HMGXB3: variants seen among roughly 807,000 people sequenced by gnomAD.
The protein encoded by HMGXB3 is HMG-box containing 3, also known as HMG domain-containing protein 3.
A neutral mutation model predicts 121.5 loss-of-function variants in HMGXB3; 45 were observed. The observed-to-expected ratio is 0.37, with a 90% CI of 0.29 to 0.47. The LOEUF is 0.47. Ranked by LOEUF, HMGXB3 falls within the 20% of genes least tolerant of loss-of-function variation. The probability of loss-of-function intolerance (pLI) is 0.99; values close to 1 mark genes in which losing one functional copy is unlikely to be tolerated. For synonymous variants in HMGXB3, 590 were observed against 624.1 expected, an observed-to-expected ratio of 0.95 and a Z score of 0.81; for missense variants, 1,376 against 1,602.2, an observed-to-expected ratio of 0.86 and a Z score of 2.41.
intron 6 of HMGXB3, chr5:150,021,519 A>AT (rs1756093588): frequency 6.0e-6 from 2 of 332,824 alleles, no homozygotes; most frequent in African/African-American, 2.2e-5. Context: ...AAACATTGAG[A>AT]TTTTTTGTTT....
rs775851279 is a variant in HMGXB3, at chr5:150,006,601, G to A, written c.266G>A (p.Ser89Asn). 1 of 1,552,342 alleles carries A rather than the reference G, an allele frequency of 6.4e-7. No individual in the cohort carries two copies. The highest frequency in any genetic ancestry group is 8.7e-7 in the Non-Finnish European group (1 of 1,147,132). The change falls in exon 3 of 20, where the codon AGT becomes AAT. Residue 89 changes from serine to asparagine, a missense_variant. Coordinates refer to ENST00000502717, the MANE Select transcript of HMGXB3 (RefSeq NM_014983.3). Reference sequence around the variant, plus strand: ...AGGCTTCTCAGCGTGGCCGAGAGGAGTTACTACTTGGAGAAAGCCAAACTA... The same window carrying A: ...AGGCTTCTCAGCGTGGCCGAGAGGAATTACTACTTGGAGAAAGCCAAACTA... ...SWRLLSVAERSYYLEKAKLEK... is the reference protein window; with the variant it reads ...SWRLLSVAERNYYLEKAKLEK...
chr5:150,029,874 G>A (rs950042059), intron 9 of HMGXB3, among the ~76,000 whole-genome samples: 6 of 152,150 alleles, frequency 3.9e-5, no homozygotes, highest in Non-Finnish European at 7.3e-5. Context: ...GTGATCTTGC[G>A]GTGTAGAAGG....
intron 4 of HMGXB3, among the ~76,000 whole-genome samples, chr5:150,011,003 A>G (rs928963593): frequency 2.6e-5 from 4 of 152,222 alleles, no homozygotes. Flanking sequence ...CTGTTGCCCA[A>G]GCTGGTCTTG....
At chr5:150,011,604 GTTTTT>G (rs35010665) in intron 4 of HMGXB3, among the ~76,000 whole-genome samples, 1 of 132,670 alleles carries the variant, frequency 7.5e-6, no homozygotes. Context: ...TTTTTTTTTG[GTTTTT>G]TTTTTTTTTT....
Position 150,052,350 on chromosome 5 carries a change from G to A in HMGXB3, c.*158G>A, listed in dbSNP as rs1756939748. 3 of 639,140 alleles carry A rather than the reference G, an allele frequency of 4.7e-6. No individual in the cohort carries two copies. Among genetic ancestry groups the A allele is most frequent in the Non-Finnish European group, 2.7e-6 (1 of 372,818 alleles). The allele number at this position is 639,140 out of a possible 1,614,324, so 39.6% of individuals were successfully genotyped here. On this transcript the variant is annotated 3_prime_UTR_variant, in exon 20 of 20. Coordinates refer to ENST00000502717, the MANE Select transcript of HMGXB3 (RefSeq NM_014983.3). ...GAGCTTCCATTCCCTGAGCATGGTG[G>A]GACCCAGGGTCCTCAGTTCTCAACC...
chr5:150,021,838 G>A lies in HMGXB3; in HGVS notation c.1042-2424G>A, dbSNP rs1756101293. ...CACACATCTTCTCCAGGGATTTTATGTTGCAGCTCGTTAGAGTGATTTGAA... is the reference window on the plus strand; with the variant it reads ...CACACATCTTCTCCAGGGATTTTATATTGCAGCTCGTTAGAGTGATTTGAA... On this transcript the variant is annotated intron_variant, in intron 6 of 19. Transcript: ENST00000502717. 8 of 508,578 alleles carry A rather than the reference G, an allele frequency of 1.6e-5. No individual in the cohort carries two copies. In the Admixed American group the frequency reaches 1.6e-4, roughly 10 times the overall value. The allele number at this position is 508,578 out of a possible 1,614,324, so 31.5% of individuals were successfully genotyped here. A position where few individuals can be genotyped will look rare whatever the true frequency, so the allele number is the denominator to read the frequency against.
intron 2 of HMGXB3, among the ~76,000 whole-genome samples, chr5:150,005,795 T>C (rs1472937046): frequency 2.0e-5 from 3 of 152,200 alleles, no homozygotes; most frequent in Non-Finnish European, 4.4e-5. Flanking sequence ...GGAGGTGCCA[T>C]TGACCAGGTT....
rs190376374 is a variant in HMGXB3 at position 150,012,286 on chromosome 5, C to T, written c.842C>T (p.Ala281Val). Reference protein sequence around the residue: ...DSSESSSSAPATQFIMLPLPA... With the variant: ...DSSESSSSAPVTQFIMLPLPA... The stretch of plus-strand genomic sequence containing the variant: ...AGTGAGAGTAGCTCCTCTGCACCAG[C>T]CACACAGTTCATCATGTTGCCTCTG... Residue 281 changes from alanine to valine, a missense_variant, in exon 5 of 20, where the codon GCC becomes GTC. Ala to Val is a moderately conservative substitution (Grantham distance 64). This residue lies in a region of HMGXB3 where 1,116 missense variants were observed against 1,369.0 expected (regional missense o/e 0.82). Coordinates refer to ENST00000502717, the MANE Select transcript of HMGXB3 (RefSeq NM_014983.3). 1.7e-4 allele frequency: 268 copies of T among 1,552,284 alleles called. 5 individuals carry two copies. Among genetic ancestry groups the T allele is most frequent in the Non-Finnish European group, 7.0e-6 (8 of 1,147,082 alleles).
chr5:150,049,273 C>T (rs1050255264), intron 18 of HMGXB3, among the ~76,000 whole-genome samples: 2 of 152,202 alleles, frequency 1.3e-5, no homozygotes, highest in African/African-American at 4.8e-5. Context: ...GTATTTTATT[C>T]TGACTGATGA....
At chr5:150,037,887 A>C (rs1368158140) in intron 13 of HMGXB3, among the ~76,000 whole-genome samples, 1 of 152,238 alleles carries the variant, frequency 6.6e-6, no homozygotes, top group African/African-American at 2.4e-5. Flanking sequence ...AATATAAGAA[A>C]TTATAGGATG....
chr5:150,006,621 A>G lies in HMGXB3; in HGVS notation c.286A>G (p.Lys96Glu). 7.1e-6 allele frequency: 11 copies of G among 1,552,342 alleles called. No individual in the cohort carries two copies. Among genetic ancestry groups the G allele is most frequent in the Non-Finnish European group, 9.6e-6 (11 of 1,147,114 alleles). ...AERSYYLEKA[K>E]LEKEGLDPNS... The stretch of plus-strand genomic sequence containing the variant: ...GAGGAGTTACTACTTGGAGAAAGCC[A>G]AACTAGAGAAGGAAGGTTTGGATCC... Residue 96 changes from lysine (K) to glutamate (E), a missense_variant, in exon 3 of 20, where the codon AAA (lysine) becomes GAA (glutamate). Lys to Glu is a moderately conservative substitution (Grantham distance 56, BLOSUM62 1). Around this residue, in one of 2 missense-constraint regions of HMGXB3, gnomAD observed 1,116 missense variants for 1,369.0 expected, o/e 0.82. Transcript: ENST00000502717.
chr5:150,007,922 T>G (rs1755738496), intron 3 of HMGXB3, among the ~76,000 whole-genome samples: 1 of 152,050 alleles, frequency 6.6e-6, no homozygotes, highest in South Asian at 2.1e-4. Context: ...CCAGGCGTGG[T>G]GGCATACACC....
intron 11 of HMGXB3, among the ~76,000 whole-genome samples, chr5:150,035,704 G>A (rs758269718): frequency 5.3e-5 from 8 of 152,070 alleles, no homozygotes; most frequent in Non-Finnish European, 1.0e-4. Context: ...AGAACACAAA[G>A]CGGGGAGTGA....
Position 150,032,551 on chromosome 5 carries a change from G to T in HMGXB3, c.1931G>T (p.Ser644Ile). 2.6e-6 allele frequency: 4 copies of T among 1,552,240 alleles called. No homozygotes were observed. Among genetic ancestry groups the T allele is most frequent in the South Asian group, 1.2e-5 (1 of 84,054 alleles). The change falls in exon 11 of 20, where the codon AGC becomes ATC. Residue 644 changes from serine to isoleucine, a missense_variant. By Grantham distance (142) the Ser-to-Ile change is moderately radical. Transcript: ENST00000502717. ...TNRHKPRICP[S>I]CGVNLAKDRT... ...AGGCACAAACCTCGAATTTGTCCCA[G>T]CTGTGGTGTTAACCTTGCCAAAGAC...
chr5:150,051,074 C>A (rs1756876493), intron 19 of HMGXB3, among the ~76,000 whole-genome samples: 1 of 152,220 alleles, frequency 6.6e-6, no homozygotes, highest in Non-Finnish European at 1.5e-5. Context: ...ATCCAACCCT[C>A]TCCTTTTATT....
In HMGXB3 at chr5:150,006,617, A is replaced by G. The variant is rs1755708468; in HGVS notation, c.282A>G (p.Lys94=). The G allele has an allele frequency of 7.1e-6, 11 of 1,552,224 alleles. No homozygotes were observed. The highest frequency in any genetic ancestry group is 1.4e-5 in the African/African-American group (1 of 73,046). The part of the protein sequence containing the change: ...SVAERSYYLE[K]AKLEKEGLDP... ...CCGAGAGGAGTTACTACTTGGAGAA[A>G]GCCAAACTAGAGAAGGAAGGTTTGG... The change falls in exon 3 of 20, where the codon AAA becomes AAG. Residue 94 remains lysine (K), a synonymous_variant. Coordinates refer to ENST00000502717, the MANE Select transcript of HMGXB3 (RefSeq NM_014983.3).
intron 3 of HMGXB3, 59 bp from the exon 4 acceptor site, chr5:150,010,052 T>A: frequency 6.8e-7 from 1 of 1,475,154 alleles, no homozygotes; most frequent in Admixed American, 2.4e-5. Context: ...TCTCTCTCCA[T>A]GTGGTCTTAG....
intron 1 of HMGXB3, among the ~76,000 whole-genome samples, chr5:150,002,162 A>C (rs1307295175): frequency 6.6e-6 from 1 of 152,240 alleles, no homozygotes; most frequent in Non-Finnish European, 1.5e-5. Context: ...CTAAGGAATA[A>C]TGTGTGCTTT....
Position 150,010,157 on chromosome 5 carries a change from G to C in HMGXB3, c.359G>C (p.Gly120Ala). ...ALTAVVPDIP[G>A]FRKILPRSDY... ...ACTGCTGTGGTTCCGGACATCCCAG[G>C]TTTCCGCAAGATCCTCCCACGCTCA... The change falls in exon 4 of 20, where the codon GGT (glycine) becomes GCT (alanine). Residue 120 changes from glycine to alanine, a missense_variant. Coordinates refer to ENST00000502717, the MANE Select transcript of HMGXB3 (RefSeq NM_014983.3). 2 of 1,551,724 alleles carry C rather than the reference G, an allele frequency of 1.3e-6. No homozygotes were observed. Among genetic ancestry groups the C allele is most frequent in the Non-Finnish European group, 1.7e-6 (2 of 1,147,012 alleles).
Sources: allele counts gnomAD v4.1 joint callset (sites outside exome capture counted in the v4.1 genomes callset), GRCh38; gene constraint gnomAD v4.1.1; regional missense constraint gnomAD v4.1.1; transcripts MANE v1.5; gene names NCBI Gene and HGNC (gene_info 2026-07-23, HGNC 2026-07-21).